The following NEDD4L variants were observed in gnomAD, a reference collection of about 807,000 sequenced individuals.
The protein encoded by NEDD4L is E3 ubiquitin-protein ligase NEDD4-like.
NEDD4L carries 54 observed loss-of-function variants against 148.9 expected under a neutral mutation model. The observed-to-expected ratio is 0.36, with a 90% CI of 0.29 to 0.45. NEDD4L has a LOEUF of 0.45. Among genes scored for constraint, NEDD4L ranks in the 20% least tolerant of loss-of-function variants. The pLI, the probability that NEDD4L is intolerant of heterozygous loss-of-function variation, is 1.00. For synonymous variants in NEDD4L, 433 were observed against 440.7 expected, an observed-to-expected ratio of 0.98 and a Z score of 0.22; for missense variants, 856 against 1,233.8, an observed-to-expected ratio of 0.69 and a Z score of 4.59.
intron 2 of NEDD4L, among the ~76,000 whole-genome samples, chr18:58,222,067 C>T (rs2043832866): frequency 6.6e-6 from 1 of 152,136 alleles, no homozygotes; most frequent in Admixed American, 6.5e-5. Flanking sequence ...GCTTTTCTTC[C>T]AAAAACCAAA....
chr18:58,065,899 G>C (rs2082566565), intron 1 of NEDD4L, among the ~76,000 whole-genome samples: 1 of 152,186 alleles, frequency 6.6e-6, no homozygotes, highest in Non-Finnish European at 1.5e-5. Context: ...ACTCCAGTAG[G>C]GAAGGTTGAG....
At chr18:58,291,082 C>T (rs1205489399) in intron 5 of NEDD4L, among the ~76,000 whole-genome samples, 2 of 151,058 alleles carry the variant, frequency 1.3e-5, no homozygotes, top group South Asian at 2.1e-4. Context: ...CCAGGCCGAC[C>T]GGCCCACATG....
At chr18:58,292,445 CCCCCACCTCA>C (rs1247811261) in intron 5 of NEDD4L, among the ~76,000 whole-genome samples, 1 of 152,138 alleles carries the variant, frequency 6.6e-6, no homozygotes, top group Non-Finnish European at 1.5e-5. Context: ...GGGAGGGGTG[CCCCCACCTCA>C]CCCGCCACCT....
intron 4 of NEDD4L, 23 bp downstream of exon 4, chr18:58,248,960 ATAAT>A (rs758960837): frequency 2.1e-5 from 27 of 1,304,312 alleles, no homozygotes; most frequent in Non-Finnish European, 1.1e-6. Context: ...TTGTTTGGTA[ATAAT>A]TGTTATTGAT....
At chr18:58,119,778 C>A (rs2086103380) in intron 1 of NEDD4L, among the ~76,000 whole-genome samples, 1 of 152,184 alleles carries the variant, frequency 6.6e-6, no homozygotes, top group Non-Finnish European at 1.5e-5. Context: ...TAAAACCCTA[C>A]CTCTGCCCCC....
At chr18:58,317,350 G>T (rs944713814) in intron 6 of NEDD4L, among the ~76,000 whole-genome samples, 1 of 152,194 alleles carries the variant, frequency 6.6e-6, no homozygotes, top group African/African-American at 2.4e-5. Context: ...ATCCTTCTAC[G>T]TTGGGAGGTC....
chr18:58,245,824 G>A (rs1278235747), intron 3 of NEDD4L, among the ~76,000 whole-genome samples: 1 of 149,818 alleles, frequency 6.7e-6, no homozygotes, highest in Non-Finnish European at 1.5e-5. Flanking sequence ...GGGATTACAG[G>A]CACCTGTCAC....
intron 5 of NEDD4L, among the ~76,000 whole-genome samples, chr18:58,302,111 T>C (rs1281716918): frequency 6.6e-6 from 1 of 152,248 alleles, no homozygotes; most frequent in East Asian, 1.9e-4. Context: ...TGAGGATTAC[T>C]GTTGATGACA....
chr18:58,120,072 G>C (rs1365107298), intron 1 of NEDD4L, among the ~76,000 whole-genome samples: 1 of 152,204 alleles, frequency 6.6e-6, no homozygotes, highest in Non-Finnish European at 1.5e-5. Flanking sequence ...CTCCTTGCCA[G>C]GATCGGCCTC....
chr18:58,110,343 A>G (rs1176489514), intron 1 of NEDD4L, among the ~76,000 whole-genome samples: 2 of 152,202 alleles, frequency 1.3e-5, no homozygotes, highest in East Asian at 3.9e-4. Flanking sequence ...GCAATTTTGT[A>G]TCTAGGGTAG....
intron 2 of NEDD4L, among the ~76,000 whole-genome samples, chr18:58,226,320 A>G (rs2044350052): frequency 6.6e-6 from 1 of 152,234 alleles, no homozygotes; most frequent in African/African-American, 2.4e-5. Context: ...ATTGAAGGCA[A>G]AAGTGCCCTT....
At chr18:58,296,184 A>G (rs1364386658) in intron 5 of NEDD4L, among the ~76,000 whole-genome samples, 1 of 152,176 alleles carries the variant, frequency 6.6e-6, no homozygotes, top group Admixed American at 6.5e-5. Context: ...CCTGATGTTT[A>G]TAAGGAACCT....
intron 2 of NEDD4L, among the ~76,000 whole-genome samples, chr18:58,181,426 T>G (rs1024257278): frequency 2.6e-5 from 4 of 152,334 alleles, no homozygotes; most frequent in Middle Eastern, 3.4e-3. Flanking sequence ...AAGAAAGGAA[T>G]TTGTCTATCT....
intron 2 of NEDD4L, among the ~76,000 whole-genome samples, chr18:58,232,461 C>T (rs2148157858): frequency 6.6e-6 from 1 of 152,248 alleles, no homozygotes; most frequent in African/African-American, 2.4e-5. Context: ...GTGGGCCAGC[C>T]AAGACTTTTA....
At chr18:58,345,767 G>A (rs768870400) in intron 16 of NEDD4L, among the ~76,000 whole-genome samples, 11 of 151,598 alleles carry the variant, frequency 7.3e-5, no homozygotes, top group South Asian at 2.1e-4. Flanking sequence ...TTTTTGAGAC[G>A]GAGTCTCACT....
chr18:58,325,260 A>G lies in NEDD4L; in HGVS notation c.680+98A>G, dbSNP rs1484220815. The G allele has an allele frequency of 1.1e-5, 15 of 1,415,172 alleles. No homozygotes were observed. In the Admixed American group the frequency reaches 1.8e-4, roughly 17 times the overall value. 87.7% of individuals were successfully genotyped at this position (1,415,172 alleles called of 1,614,324 possible). A position where few individuals can be genotyped will look rare whatever the true frequency, so the allele number is the denominator to read the frequency against. ...GGGACAAGGCTGGGAAATAAATCAT[A>G]TGTCTATAAGAGCAGATGGTGGTGT... On this transcript the variant is annotated intron_variant, in intron 9 of 30. Transcript: ENST00000400345.
intron 5 of NEDD4L, among the ~76,000 whole-genome samples, chr18:58,278,770 T>G (rs2052550696): frequency 6.6e-6 from 1 of 152,270 alleles, no homozygotes. Context: ...GTCTTCTCTG[T>G]CATATCTATC....
At chr18:58,395,218 C>A (rs570317503) in intron 30 of NEDD4L, among the ~76,000 whole-genome samples, 108 of 152,292 alleles carry the variant, frequency 7.1e-4, no homozygotes, top group African/African-American at 2.2e-3. Flanking sequence ...AGATACACAT[C>A]AGCAATCACC....
intron 1 of NEDD4L, among the ~76,000 whole-genome samples, chr18:58,137,664 G>T (rs1486499439): frequency 6.6e-6 from 1 of 152,120 alleles, no homozygotes; most frequent in African/African-American, 2.4e-5. Context: ...GCAGCTGCTT[G>T]AATTTTCAAA....
Sources: gnomAD v4.1 joint callset for allele counts (sites outside exome capture counted in the v4.1 genomes callset) on GRCh38, gnomAD v4.1.1 for gene constraint, MANE v1.5 for transcripts, NCBI Gene and HGNC (gene_info 2026-07-23, HGNC 2026-07-21) for gene names.